The following CADM2 variants were observed in gnomAD, a reference collection of about 807,000 sequenced individuals.
CADM2 encodes the protein immunoglobulin superfamily member 4D.
In CADM2, 12 loss-of-function variants were observed where a neutral mutation model predicts 49.8. That is an observed-to-expected ratio of 0.24 (90% confidence interval 0.15 to 0.39). The LOEUF is 0.39. Among genes scored for constraint, CADM2 ranks in the 10% least tolerant of loss-of-function variants. The pLI is 1.00. For synonymous variants in CADM2, 214 were observed against 175.4 expected (o/e 1.22, Z -1.74); for missense variants, 378 against 492.3 (o/e 0.77, Z 2.20).
chr3:85,925,529 G>A (rs12107344), intron 6 of CADM2, among the ~76,000 whole-genome samples: 5,177 of 152,146 alleles, frequency 0.034, 293 homozygotes, highest in African/African-American at 0.12. Flanking sequence ...AAACACAATT[G>A]TACCCAGGAA....
chr3:85,282,094 CAT>C (rs1192058894), intron 1 of CADM2, among the ~76,000 whole-genome samples: 1 of 151,828 alleles, frequency 6.6e-6, no homozygotes, highest in Non-Finnish European at 1.5e-5. Flanking sequence ...ATACATAAAA[CAT>C]ATATTAAAAT....
chr3:85,079,437 A>T (rs1164712998), intron 1 of CADM2, among the ~76,000 whole-genome samples: 2 of 151,836 alleles, frequency 1.3e-5, no homozygotes, highest in African/African-American at 4.8e-5. Flanking sequence ...TAATTGTAGA[A>T]GGATTACCTA....
chr3:85,863,266 G>A (rs1468152018), intron 3 of CADM2, among the ~76,000 whole-genome samples: 1 of 152,164 alleles, frequency 6.6e-6, no homozygotes, highest in African/African-American at 2.4e-5. Context: ...GAATGTAAGG[G>A]ATTGCTATGG....
intron 3 of CADM2, among the ~76,000 whole-genome samples, chr3:85,830,447 T>C (rs2074134258): frequency 1.3e-5 from 2 of 151,992 alleles, no homozygotes; most frequent in Admixed American, 1.3e-4. Flanking sequence ...TAAATGGTCT[T>C]CAAATAGTTT....
intron 2 of CADM2, among the ~76,000 whole-genome samples, chr3:85,797,971 A>G (rs2071729156): frequency 6.6e-6 from 1 of 152,292 alleles, no homozygotes; most frequent in African/African-American, 2.4e-5. Context: ...ATGAGATAGT[A>G]TCTCATTGTG....
chr3:85,159,988 A>G (rs1229996968), intron 1 of CADM2, among the ~76,000 whole-genome samples: 1 of 152,176 alleles, frequency 6.6e-6, no homozygotes, highest in Admixed American at 6.5e-5. Context: ...TTTGTTTTTA[A>G]TAATGTTTTA....
intron 1 of CADM2, among the ~76,000 whole-genome samples, chr3:85,162,365 C>A (rs1309577008): frequency 1.3e-5 from 2 of 152,106 alleles, no homozygotes; most frequent in Non-Finnish European, 2.9e-5. Flanking sequence ...TGTTCCTGAT[C>A]ATTATGCAAT....
chr3:86,000,162 T>A lies in CADM2; in HGVS notation c.970+38515T>A, dbSNP rs1171322157. On this transcript the variant is annotated intron_variant, in intron 8 of 9. Coordinates refer to ENST00000383699, the MANE Select transcript of CADM2 (RefSeq NM_001167675.2). Reference sequence around the variant, plus strand: ...ACCAGTTTGCCAGAAAAGGGGGAAGTACTTTCAGGGAAAGTGGGAAATTAA... The same window carrying A: ...ACCAGTTTGCCAGAAAAGGGGGAAGAACTTTCAGGGAAAGTGGGAAATTAA... 2.0e-5 allele frequency among the ~76,000 whole-genome samples: 3 copies of A among 152,188 alleles called. No homozygotes were observed. The East Asian group carries it at 5.8e-4, about 29-fold the overall frequency.
At chr3:85,304,912 G>A (rs1289902552) in intron 1 of CADM2, among the ~76,000 whole-genome samples, 1 of 151,516 alleles carries the variant, frequency 6.6e-6, no homozygotes, top group Non-Finnish European at 1.5e-5. Flanking sequence ...ACAATACCTT[G>A]TCCAATGTAG....
At chr3:85,649,709 T>C (rs1318291872) in intron 1 of CADM2, among the ~76,000 whole-genome samples, 4 of 152,188 alleles carry the variant, frequency 2.6e-5, no homozygotes, top group Non-Finnish European at 5.9e-5. Context: ...GATTCTGCAG[T>C]CTTGAGTTCA....
chr3:85,065,270 A>G (rs1179370664), intron 1 of CADM2, among the ~76,000 whole-genome samples: 4 of 152,082 alleles, frequency 2.6e-5, no homozygotes, highest in African/African-American at 9.6e-5. Flanking sequence ...ATTTGACTCT[A>G]TATTTTCTTA....
At position 85,225,990 on chromosome 3, in the gene CADM2, G is replaced by A. The variant is rs192906994; in HGVS notation, c.61+266322G>A. Among the ~76,000 whole-genome samples the A allele has an allele frequency of 1.5e-3, 225 of 152,256 alleles. 1 individual carries two copies. The highest frequency in any genetic ancestry group is 4.9e-3 in the African/African-American group (205 of 41,546). On this transcript the variant is annotated intron_variant, in intron 1 of 9. Coordinates refer to ENST00000383699, the MANE Select transcript of CADM2 (RefSeq NM_001167675.2). ...TGGATAAGCTTTCTGCGGTGCTGGT[G>A]GATTCAGTTTGCCAGTATTTTACTG...
At chr3:85,945,898 T>G (rs1205633970) in intron 7 of CADM2, among the ~76,000 whole-genome samples, 1 of 152,048 alleles carries the variant, frequency 6.6e-6, no homozygotes, top group African/African-American at 2.4e-5. Context: ...TCACCACTCC[T>G]ATTCAACATA....
chr3:85,031,605 C>T (rs1435150784), intron 1 of CADM2, among the ~76,000 whole-genome samples: 1 of 152,188 alleles, frequency 6.6e-6, no homozygotes, highest in Non-Finnish European at 1.5e-5. Context: ...AGCTCCGCCT[C>T]CCGGGTTCAC....
In CADM2 at chr3:86,072,035, T is replaced by A. The variant is rs1339415424; in HGVS notation, c.*5252T>A. On this transcript the variant is annotated 3_prime_UTR_variant, in exon 10 of 10. Transcript: ENST00000383699. ...AAAAATCATCCTTATTAATAAATAA[T>A]CCTCATATAATGCACAGTATTGCCA... The A allele has an allele frequency of 1.3e-5, 2 of 151,908 alleles. No homozygotes were observed. Among genetic ancestry groups the A allele is most frequent in the Admixed American group, 6.6e-5 (1 of 15,200 alleles). The allele number at this position is 151,908 out of a possible 1,614,324, so 9.4% of individuals were successfully genotyped here.
At chr3:85,615,854 A>G (rs897358071) in intron 1 of CADM2, among the ~76,000 whole-genome samples, 75 of 151,964 alleles carry the variant, frequency 4.9e-4, no homozygotes, top group African/African-American at 1.8e-3. Context: ...TTTATAGAGC[A>G]TAAAATATGA....
intron 1 of CADM2, among the ~76,000 whole-genome samples, chr3:85,038,582 A>G (rs989126600): frequency 1.3e-5 from 2 of 152,214 alleles, no homozygotes; most frequent in Non-Finnish European, 2.9e-5. Context: ...TGCTAATGAA[A>G]GGACCATGAT....
At chr3:85,638,840 AAG>A (rs1164968947) in intron 1 of CADM2, among the ~76,000 whole-genome samples, 2 of 152,126 alleles carry the variant, frequency 1.3e-5, no homozygotes, top group Non-Finnish European at 2.9e-5. Flanking sequence ...AGTATATAAA[AAG>A]AGAGATATTA....
intron 8 of CADM2, among the ~76,000 whole-genome samples, chr3:86,028,487 A>G (rs1734185367): frequency 6.6e-6 from 1 of 152,196 alleles, no homozygotes; most frequent in South Asian, 2.1e-4. Flanking sequence ...AGATCATATG[A>G]GAGAGTTTCA....
Sources: allele counts gnomAD v4.1 joint callset (sites outside exome capture counted in the v4.1 genomes callset), GRCh38; gene constraint gnomAD v4.1.1; transcripts MANE v1.5; gene names NCBI Gene and HGNC (gene_info 2026-07-23, HGNC 2026-07-21).